Variants in KIRREL3 observed in about 807,000 individuals in gnomAD.
KIRREL3 encodes the protein kin of IRRE-like protein 3.
KIRREL3 carries 36 observed loss-of-function variants against 89.7 expected under a neutral mutation model. The observed-to-expected ratio is 0.40, with a 90% CI of 0.31 to 0.53. The LOEUF is 0.53. Ranked by LOEUF, KIRREL3 falls within the 20% of genes least tolerant of loss-of-function variation. The pLI, the probability that KIRREL3 is intolerant of heterozygous loss-of-function variation, is 0.49. For synonymous variants in KIRREL3, 445 were observed against 441.4 expected (o/e 1.01, Z -0.10); for missense variants, 864 against 1,056.6 (o/e 0.82, Z 2.53).
intron 2 of KIRREL3, among the ~76,000 whole-genome samples, chr11:126,538,903 G>T (rs764771980): frequency 1.9e-4 from 29 of 152,166 alleles, no homozygotes; most frequent in Non-Finnish European, 3.5e-4. Context: ...TCAGAGTGAG[G>T]CACAAAGTCC....
chr11:126,760,264 C>T (rs757888443), intron 1 of KIRREL3, among the ~76,000 whole-genome samples: 2 of 152,160 alleles, frequency 1.3e-5, no homozygotes, highest in Non-Finnish European at 2.9e-5. Context: ...TTCATTGCTG[C>T]CCTACTGAGA....
intron 1 of KIRREL3, among the ~76,000 whole-genome samples, chr11:126,784,677 T>C (rs1950429849): frequency 6.6e-6 from 1 of 151,806 alleles, no homozygotes; most frequent in African/African-American, 2.4e-5. Flanking sequence ...CTGACTTGGT[T>C]AGAGGCTAGT....
In KIRREL3 at chr11:126,520,596, G is replaced by T. The variant is rs1591670258; in HGVS notation, c.433+719C>A. On this transcript the variant is annotated intron_variant, in intron 4 of 16. Transcript: ENST00000525144. This position sits in a 1 kb window ranked among gnomAD's most constrained non-coding sequence, Gnocchi z 4.9. ...CTCGGTAACATTTGGCCAGAGGAGG[G>T]AGACTCCCGGGACTGAACTCTAAAT... Among the ~76,000 whole-genome samples the T allele has an allele frequency of 6.6e-6, 1 of 152,318 alleles. No homozygotes were observed. The highest frequency in any genetic ancestry group is 2.1e-4 in the South Asian group (1 of 4,824).
Position 126,697,675 on chromosome 11 carries a change from A to C in KIRREL3, c.56-134763T>G, listed in dbSNP as rs1326671772. ...CATGTAAAAGTGGCTCTTTCCTCCCAGTCCAAACCACAAATCCTAAATGCT... is the reference window on the plus strand; with the variant it reads ...CATGTAAAAGTGGCTCTTTCCTCCCCGTCCAAACCACAAATCCTAAATGCT... On this transcript the variant is annotated intron_variant, in intron 1 of 16. Coordinates refer to ENST00000525144, the MANE Select transcript of KIRREL3 (RefSeq NM_032531.4). This position sits in a 1 kb window ranked among gnomAD's most constrained non-coding sequence, Gnocchi z 4.2. 2.6e-5 allele frequency among the ~76,000 whole-genome samples: 4 copies of C among 152,238 alleles called. No individual in the cohort carries two copies. The highest frequency in any genetic ancestry group is 5.9e-5 in the Non-Finnish European group (4 of 68,040).
rs1433216851 is a variant in KIRREL3 at position 126,636,054 on chromosome 11, G to T, written c.56-73142C>A. Among the ~76,000 whole-genome samples, 2 of 152,176 alleles carry T rather than the reference G, an allele frequency of 1.3e-5. No homozygotes were observed. Among genetic ancestry groups the T allele is most frequent in the Non-Finnish European group, 2.9e-5 (2 of 68,032 alleles). On this transcript the variant is annotated intron_variant, in intron 1 of 16. Coordinates refer to ENST00000525144, the MANE Select transcript of KIRREL3 (RefSeq NM_032531.4). The surrounding 1 kb of genome is among the most constrained non-coding windows in gnomAD (Gnocchi z 4.4). ...TCTGCTCTGAAGACCAGCCCCCTTA[G>T]AGTGACAGAGATGGGGCTACCTCAC...
rs55838363 is a variant in KIRREL3 at position 126,521,676 on chromosome 11, A to ATG, written c.284-214_284-213dup. Among the ~76,000 whole-genome samples, 18 of 143,510 alleles carry ATG rather than the reference A, an allele frequency of 1.3e-4. No homozygotes were observed. The highest frequency in any genetic ancestry group is 8.3e-4 in the Admixed American group (12 of 14,482). The allele number at this position is 143,510 out of a possible 152,430, so 94.1% of individuals were successfully genotyped here. On this transcript the variant is annotated intron_variant, in intron 3 of 16. Coordinates refer to ENST00000525144, the MANE Select transcript of KIRREL3 (RefSeq NM_032531.4). The surrounding 1 kb of genome is among the most constrained non-coding windows in gnomAD (Gnocchi z 4.1). ...GTTGGTTCTCTCTCTCTCTCTCTGTATGTGTGTGTGTGTGTGTGTGTGTGT... is the reference window on the plus strand; with the variant it reads ...GTTGGTTCTCTCTCTCTCTCTCTGTATGTGTGTGTGTGTGTGTGTGTGTGTGT...
At chr11:126,958,693 C>T (rs1044727482) in intron 1 of KIRREL3, among the ~76,000 whole-genome samples, 1 of 152,230 alleles carries the variant, frequency 6.6e-6, no homozygotes, top group African/African-American at 2.4e-5. Flanking sequence ...CATAAAGGCA[C>T]TCAAACACTC....
chr11:126,659,513 C>T (rs140729673), intron 1 of KIRREL3, among the ~76,000 whole-genome samples: 2,341 of 152,286 alleles, frequency 0.015, 31 homozygotes, highest in Admixed American at 0.017. Flanking sequence ...GTCCAGACCA[C>T]CTGATAAAGA....
chr11:126,458,042 C>T (rs1358211187), intron 6 of KIRREL3, among the ~76,000 whole-genome samples: 1 of 152,176 alleles, frequency 6.6e-6, no homozygotes. Context: ...GGGGCATCCA[C>T]ACGCCGAGGG....
intron 5 of KIRREL3, among the ~76,000 whole-genome samples, chr11:126,469,416 C>T (rs1205607515): frequency 1.3e-5 from 2 of 152,108 alleles, no homozygotes; most frequent in East Asian, 3.9e-4. Flanking sequence ...GTGCTGTTGG[C>T]CTATGGCAGG....
chr11:126,546,367 C>T (rs1015158809), intron 2 of KIRREL3, among the ~76,000 whole-genome samples: 5 of 152,132 alleles, frequency 3.3e-5, no homozygotes, highest in Non-Finnish European at 5.9e-5. Context: ...CTCCTACCTC[C>T]CAGGGCAAGG....
rs562004796 is a variant in KIRREL3, at chr11:126,990,732, G to T, written c.55+9723C>A. Among the ~76,000 whole-genome samples, 7 of 152,326 alleles carry T rather than the reference G, an allele frequency of 4.6e-5. No individual in the cohort carries two copies. Among genetic ancestry groups the T allele is most frequent in the African/African-American group, 1.4e-4 (6 of 41,586 alleles). Reference sequence around the variant, plus strand: ...CAGAGGGCATCTCCCTGAAGAAACAGAACTCCTTGTGAATGTGGGGTGGAC... The same window carrying T: ...CAGAGGGCATCTCCCTGAAGAAACATAACTCCTTGTGAATGTGGGGTGGAC... On this transcript the variant is annotated intron_variant, in intron 1 of 16. Transcript: ENST00000525144. The surrounding 1 kb of genome is among the most constrained non-coding windows in gnomAD (Gnocchi z 6.3).
chr11:126,494,802 G>A (rs1451753559), intron 4 of KIRREL3, among the ~76,000 whole-genome samples: 1 of 152,210 alleles, frequency 6.6e-6, no homozygotes, highest in African/African-American at 2.4e-5. Flanking sequence ...ACAGGCGCAG[G>A]CTGCCAAGGA....
Position 126,805,896 on chromosome 11 carries a change from C to T in KIRREL3, c.55+194559G>A, listed in dbSNP as rs970807244. On this transcript the variant is annotated intron_variant, in intron 1 of 16. Transcript: ENST00000525144. This position sits in a 1 kb window ranked among gnomAD's most constrained non-coding sequence, Gnocchi z 4.3. Reference sequence around the variant, plus strand: ...CAACCCAGTGGGCCTGGGCAGGTGCCGTGCCATCCCCTCCACCTTCTCCGT... The same window carrying T: ...CAACCCAGTGGGCCTGGGCAGGTGCTGTGCCATCCCCTCCACCTTCTCCGT... 3.3e-5 allele frequency among the ~76,000 whole-genome samples: 5 copies of T among 152,150 alleles called. No individual in the cohort carries two copies. The highest frequency in any genetic ancestry group is 1.9e-4 in the East Asian group (1 of 5,194).
At chr11:126,957,123 T>C (rs1793669) in intron 1 of KIRREL3, among the ~76,000 whole-genome samples, 136,374 of 152,252 alleles carry the variant, frequency 0.9, 61,238 homozygotes, top group Middle Eastern at 0.96. Context: ...AGTTCAGCCC[T>C]GTGAGGACAC....
At position 126,993,577 on chromosome 11, in the gene KIRREL3, G is replaced by A. The variant is rs145392066; in HGVS notation, c.55+6878C>T. On this transcript the variant is annotated intron_variant, in intron 1 of 16. Transcript: ENST00000525144. This position sits in a 1 kb window ranked among gnomAD's most constrained non-coding sequence, Gnocchi z 6.1. ...AACCCATCATATTGTAACCTTAATC[G>A]AAGTGTCTGCTCCCCAACCAGACTA... Among the ~76,000 whole-genome samples the A allele has an allele frequency of 9.7e-3, 1,471 of 152,188 alleles. 31 individuals carry two copies. Among genetic ancestry groups the A allele is most frequent in the Admixed American group, 0.044 (667 of 15,292 alleles).
rs1950122731 is a variant in KIRREL3, at chr11:126,994,489, A to G, written c.55+5966T>C. Among the ~76,000 whole-genome samples the G allele has an allele frequency of 6.6e-6, 1 of 152,204 alleles. No homozygotes were observed. Among genetic ancestry groups the G allele is most frequent in the Non-Finnish European group, 1.5e-5 (1 of 68,040 alleles). On this transcript the variant is annotated intron_variant, in intron 1 of 16. Transcript: ENST00000525144. This position sits in a 1 kb window ranked among gnomAD's most constrained non-coding sequence, Gnocchi z 5.2. ...TTATTTAATGTTCATAGTGGTGTTG[A>G]CTGTGTACGCACTGAAACATTGTAT... is the stretch of plus-strand genomic sequence containing the variant.
rs1015853861 is a variant in KIRREL3 at position 126,443,293 on chromosome 11, C to T, written c.1252+1686G>A. Among the ~76,000 whole-genome samples, 4 of 152,160 alleles carry T rather than the reference C, an allele frequency of 2.6e-5. No homozygotes were observed. Among genetic ancestry groups the T allele is most frequent in the Non-Finnish European group, 4.4e-5 (3 of 68,032 alleles). ...TGACTTCCGAGTGCCCTGGCTGGCGCGGGCTGTGTGGAGGGCCGCTGATTT... is the reference window on the plus strand; with the variant it reads ...TGACTTCCGAGTGCCCTGGCTGGCGTGGGCTGTGTGGAGGGCCGCTGATTT... On this transcript the variant is annotated intron_variant, in intron 10 of 16. Transcript: ENST00000525144. The surrounding 1 kb of genome is among the most constrained non-coding windows in gnomAD (Gnocchi z 7.3).
At position 126,734,016 on chromosome 11, in the gene KIRREL3, C is replaced by T. The variant is rs1948720215; in HGVS notation, c.56-171104G>A. Among the ~76,000 whole-genome samples the T allele has an allele frequency of 6.6e-6, 1 of 152,180 alleles. No homozygotes were observed. The highest frequency in any genetic ancestry group is 6.5e-5 in the Admixed American group (1 of 15,286). ...AGGTGGGAAGCAGCCCAGAAGAGGTCAGCGTCTGCCTCTCAAGGTGTGGGC... is the reference window on the plus strand; with the variant it reads ...AGGTGGGAAGCAGCCCAGAAGAGGTTAGCGTCTGCCTCTCAAGGTGTGGGC... On this transcript the variant is annotated intron_variant, in intron 1 of 16. Transcript: ENST00000525144. This position sits in a 1 kb window ranked among gnomAD's most constrained non-coding sequence, Gnocchi z 5.9.
Sources: gnomAD v4.1 joint callset for allele counts (sites outside exome capture counted in the v4.1 genomes callset) on GRCh38, gnomAD v4.1.1 for gene constraint, Gnocchi (gnomAD v3.1) non-coding constraint, MANE v1.5 for transcripts, NCBI Gene and HGNC (gene_info 2026-07-23, HGNC 2026-07-21) for gene names.